XKR5: variants seen among roughly 807,000 people sequenced by gnomAD.
XKR5 encodes XK-related protein 5.
Under a neutral mutation model 40.8 loss-of-function variants are expected in XKR5, and 46 were observed. The observed-to-expected ratio is 1.13, with a 90% confidence interval of 0.89 to 1.44. XKR5 has a LOEUF of 1.44. Among genes scored for constraint, XKR5 ranks in the 40% most tolerant of loss-of-function variants. The pLI, the probability that XKR5 is intolerant of heterozygous loss-of-function variation, is 0.00. For synonymous variants in XKR5, 466 were observed against 356.1 expected (o/e 1.31, Z -3.48); for missense variants, 1,169 against 844.7 (o/e 1.38, Z -4.76).
Position 6,811,175 on chromosome 8 carries a change from G to T in XKR5, c.*23C>A. ...GGCCAGCTTGGTTTGTCAGCCTGTT[G>T]TCTTATCCCACCATGACTGTGGTCA... On this transcript the variant is annotated 3_prime_UTR_variant, in exon 7 of 7. Coordinates refer to ENST00000618742, the MANE Select transcript of XKR5 (RefSeq NM_207411.5). The T allele has an allele frequency of 9.9e-6, 15 of 1,518,350 alleles. No individual in the cohort carries two copies. Among genetic ancestry groups the T allele is most frequent in the Non-Finnish European group, 1.3e-5 (15 of 1,134,990 alleles). 94.1% of individuals were successfully genotyped at this position (1,518,350 alleles called of 1,614,324 possible).
intron 6 of XKR5, 151 bp downstream of exon 6, chr8:6,815,656 C>G (rs986252617): frequency 1.7e-6 from 1 of 596,100 alleles, no homozygotes; most frequent in Admixed American, 2.8e-5. Context: ...CTCTGATGGG[C>G]ATGGCTCTGC....
chr8:6,817,129 C>T (rs569067758), intron 5 of XKR5, among the ~76,000 whole-genome samples: 2 of 152,294 alleles, frequency 1.3e-5, no homozygotes, highest in African/African-American at 4.8e-5. Context: ...GTTCTGGCCC[C>T]ATGCCTCCTG....
chr8:6,817,819 G>C (rs1804032319), intron 5 of XKR5, among the ~76,000 whole-genome samples: 1 of 152,150 alleles, frequency 6.6e-6, no homozygotes. Flanking sequence ...TCCAAGCCTG[G>C]TGGGTGCATT....
Position 6,831,099 on chromosome 8 carries a change from C to A in XKR5, c.242+1618G>T, listed in dbSNP as rs185166243. On this transcript the variant is annotated intron_variant, in intron 2 of 6. Coordinates refer to ENST00000618742, the MANE Select transcript of XKR5 (RefSeq NM_207411.5). The stretch of plus-strand genomic sequence containing the variant: ...CATGGTAGCTGACTCACTCAACAGG[C>A]CTCTGTCCTCGAGGGCTCATGCCTT... 1.4e-4 allele frequency among the ~76,000 whole-genome samples: 21 copies of A among 152,298 alleles called. No individual in the cohort carries two copies. In the East Asian group the frequency reaches 4.1e-3, roughly 29 times the overall value.
intron 2 of XKR5, among the ~76,000 whole-genome samples, chr8:6,828,018 A>G (rs933286108): frequency 2.6e-5 from 4 of 152,166 alleles, no homozygotes; most frequent in Admixed American, 6.5e-5. Flanking sequence ...CAAGTGAGCC[A>G]TAATTATGCC....
chr8:6,833,336 C>T (rs918351582), intron 1 of XKR5, among the ~76,000 whole-genome samples: 9 of 152,252 alleles, frequency 5.9e-5, no homozygotes, highest in African/African-American at 2.2e-4. Context: ...TCCTGACCAC[C>T]CTGGTGACAT....
intron 6 of XKR5, among the ~76,000 whole-genome samples, chr8:6,815,434 G>A (rs551365057): frequency 5.9e-5 from 9 of 152,094 alleles, no homozygotes; most frequent in Non-Finnish European, 1.2e-4. Context: ...CCCACTTCCC[G>A]GGGTGCTTGT....
At chr8:6,813,687 G>T (rs1436191944) in intron 6 of XKR5, among the ~76,000 whole-genome samples, 1 of 152,202 alleles carries the variant, frequency 6.6e-6, no homozygotes, top group African/African-American at 2.4e-5. Flanking sequence ...TGAGCCGGTG[G>T]CCACCTGGGT....
intron 5 of XKR5, among the ~76,000 whole-genome samples, chr8:6,816,601 A>C (rs1452382776): frequency 6.6e-6 from 1 of 151,092 alleles, no homozygotes; most frequent in Non-Finnish European, 1.5e-5. Context: ...GACATAATTC[A>C]AAGACGATAT....
intron 5 of XKR5, among the ~76,000 whole-genome samples, chr8:6,820,439 T>G (rs1192693577): frequency 1.3e-5 from 2 of 152,246 alleles, no homozygotes; most frequent in Admixed American, 6.5e-5. Context: ...ACACGGCAAC[T>G]GACATGTGAG....
chr8:6,833,041 C>A, intron 1 of XKR5, 141 bp from the exon 2 acceptor site: 1 of 758,966 alleles, frequency 1.3e-6, no homozygotes, highest in Non-Finnish European at 2.0e-6. Context: ...AGTGACTGTC[C>A]CTCCCAAGGC....
At chr8:6,827,719 T>A (rs1169535756) in intron 2 of XKR5, among the ~76,000 whole-genome samples, 2 of 152,202 alleles carry the variant, frequency 1.3e-5, no homozygotes, top group Non-Finnish European at 2.9e-5. Context: ...CTCTTCTTGC[T>A]CTTCCAGAAA....
At chr8:6,814,528 G>A (rs1047675096) in intron 6 of XKR5, among the ~76,000 whole-genome samples, 2 of 152,152 alleles carry the variant, frequency 1.3e-5, no homozygotes, top group African/African-American at 4.8e-5. Flanking sequence ...GTGATGGAAG[G>A]GTTCTCCCTG....
rs536136130 is a variant in XKR5, at chr8:6,811,483, G to C, written c.1776C>G (p.Pro592=). The change falls in exon 7 of 7, where the codon CCC becomes CCG. Residue 592 remains proline, a synonymous_variant. Coordinates refer to ENST00000618742, the MANE Select transcript of XKR5 (RefSeq NM_207411.5). ...SPHPVGLAPF[P]DTMADISPIL... ...TGGGGCTAATGTCGGCCATGGTGTCGGGGAAGGGCGCCAAGCCCACTGGGT... is the reference window on the plus strand; with the variant it reads ...TGGGGCTAATGTCGGCCATGGTGTCCGGGAAGGGCGCCAAGCCCACTGGGT... 2.0e-6 allele frequency: 3 copies of C among 1,528,008 alleles called. No individual in the cohort carries two copies. The highest frequency in any genetic ancestry group is 2.4e-5 in the South Asian group (2 of 82,372). The allele number at this position is 1,528,008 out of a possible 1,614,324, so 94.7% of individuals were successfully genotyped here. A position where few individuals can be genotyped will look rare whatever the true frequency, so the allele number is the denominator to read the frequency against.
In XKR5 at chr8:6,832,861, A is replaced by G. The variant is rs1804834419; in HGVS notation, c.98T>C (p.Leu33Pro). The G allele has an allele frequency of 6.2e-7, 1 of 1,610,296 alleles. No individual in the cohort carries two copies. Among genetic ancestry groups the G allele is most frequent in the East Asian group, 2.2e-5 (1 of 44,718 alleles). The stretch of plus-strand genomic sequence containing the variant: ...AGCAAGGGCCAGCCACCCCCACAGA[A>G]GCCGTCCTGTGGTGAAGTAGTAAGC... ...TVAYYFTTGRLLWGWLALAVL... is the reference protein window; with the variant it reads ...TVAYYFTTGRPLWGWLALAVL... Residue 33 changes from leucine to proline, a missense_variant, in exon 2 of 7, where the codon CTT becomes CCT. Physicochemically the swap from Leu to Pro is moderately conservative, Grantham distance 98 (BLOSUM62 -3). Transcript: ENST00000618742.
chr8:6,812,429 G>A (rs1425965482), intron 6 of XKR5, 90 bp from the exon 7 acceptor site: 9 of 1,319,746 alleles, frequency 6.8e-6, no homozygotes, highest in East Asian at 2.5e-5. Flanking sequence ...GCCCTTTTGT[G>A]TAGAGGAAGA....
intron 5 of XKR5, among the ~76,000 whole-genome samples, chr8:6,819,259 A>G (rs1243765698): frequency 6.6e-6 from 1 of 152,128 alleles, no homozygotes; most frequent in Non-Finnish European, 1.5e-5. Flanking sequence ...TTCCTGTGTG[A>G]GCTGCTGTCT....
Position 6,832,750 on chromosome 8 carries a change from A to T in XKR5, c.209T>A (p.Met70Lys). ...AACACCAAGCTGTAGGAGGTGCAGCATCATCAAGGAGCAATGCCCTGGATG... is the reference window on the plus strand; with the variant it reads ...AACACCAAGCTGTAGGAGGTGCAGCTTCATCAAGGAGCAATGCCCTGGATG... ...DGHPGHCSLM[M>K]LHLLQLGVWK... Residue 70 changes from methionine to lysine, a missense_variant, in exon 2 of 7, where the codon ATG becomes AAG. Met to Lys is a moderately conservative substitution (Grantham distance 95, BLOSUM62 -1). Transcript: ENST00000618742. 1 of 1,613,450 alleles carries T rather than the reference A, an allele frequency of 6.2e-7. No individual in the cohort carries two copies. Among genetic ancestry groups the T allele is most frequent in the South Asian group, 1.1e-5 (1 of 90,878 alleles).
At chr8:6,816,064 A>G (rs1803945547) in intron 5 of XKR5, 146 bp from the exon 6 acceptor site, 1 of 606,362 alleles carries the variant, frequency 1.6e-6, no homozygotes, top group Non-Finnish European at 2.9e-6. Flanking sequence ...ACCCAGGAGC[A>G]GGGCTATGTC....
Sources: gnomAD v4.1 joint callset for allele counts (sites outside exome capture counted in the v4.1 genomes callset) on GRCh38, gnomAD v4.1.1 for gene constraint, MANE v1.5 for transcripts, NCBI Gene and HGNC (gene_info 2026-07-23, HGNC 2026-07-21) for gene names.